Variants in ZNF280D observed in about 807,000 individuals in gnomAD.
ZNF280D encodes the protein zinc finger protein 280D.
In ZNF280D, 39 loss-of-function variants were observed where a neutral mutation model predicts 94.7. The observed-to-expected ratio is 0.41, with a 90% CI of 0.32 to 0.54. The LOEUF (loss-of-function observed/expected upper bound fraction) is 0.54, where lower values mean the gene tolerates loss of function less well. ZNF280D is among the 20% of genes least tolerant of loss of function. ZNF280D has a pLI of 0.22. For missense variants in ZNF280D, 1,090 were observed against 1,149.3 expected, an observed-to-expected ratio of 0.95 and a Z score of 0.75; for synonymous variants, 398 against 377.6, an observed-to-expected ratio of 1.05 and a Z score of -0.63.
At chr15:56,690,862 T>C (rs2056385061) in intron 7 of ZNF280D, among the ~76,000 whole-genome samples, 2 of 152,176 alleles carry the variant, frequency 1.3e-5, no homozygotes. Flanking sequence ...TAAGTTCAAA[T>C]CCACACCTTG....
chr15:56,731,230 C>T (rs1421587031), intron 1 of ZNF280D, among the ~76,000 whole-genome samples: 2 of 152,060 alleles, frequency 1.3e-5, no homozygotes, highest in African/African-American at 4.8e-5. Context: ...TCGCCCAGTG[C>T]TGTGGCTCAC....
intron 1 of ZNF280D, among the ~76,000 whole-genome samples, chr15:56,712,508 G>A (rs1266412772): frequency 1.4e-5 from 2 of 139,630 alleles, no homozygotes; most frequent in African/African-American, 5.4e-5. Flanking sequence ...CATGCCCCTG[G>A]TCCCAGCTAT....
rs748313812 is a variant in ZNF280D, at chr15:56,635,089, T to A, written c.2315+106A>T. 592 of 594,682 alleles carry A rather than the reference T, an allele frequency of 1.0e-3. 9 individuals are homozygous for A. Among genetic ancestry groups the A allele is most frequent in the Non-Finnish European group, 9.6e-5 (35 of 364,692 alleles). The allele number at this position is 594,682 out of a possible 1,614,324, so 36.8% of individuals were successfully genotyped here. The stretch of plus-strand genomic sequence containing the variant: ...AGCCATTACAGAAAATAGCACTATA[T>A]ACAAACATTTAAATAGTCCTTTGCC... On this transcript the variant is annotated intron_variant, in intron 21 of 21. Transcript: ENST00000267807.
chr15:56,659,482 T>C (rs754450529), intron 16 of ZNF280D, among the ~76,000 whole-genome samples: 10 of 152,136 alleles, frequency 6.6e-5, no homozygotes, highest in Non-Finnish European at 1.0e-4. Flanking sequence ...ATATAATTTT[T>C]ATTACAGTAT....
intron 7 of ZNF280D, among the ~76,000 whole-genome samples, chr15:56,690,318 C>T (rs1775997212): frequency 6.6e-6 from 1 of 151,990 alleles, no homozygotes; most frequent in Non-Finnish European, 1.5e-5. Flanking sequence ...GGAGGCGGTG[C>T]TTGCAGTGAG....
intron 1 of ZNF280D, among the ~76,000 whole-genome samples, chr15:56,717,271 T>A (rs1277314291): frequency 6.6e-6 from 1 of 152,074 alleles, no homozygotes; most frequent in East Asian, 1.9e-4. Flanking sequence ...ATAACAGATG[T>A]CCACTACAAG....
At chr15:56,680,538 A>G (rs1214991572) in intron 10 of ZNF280D, among the ~76,000 whole-genome samples, 1 of 152,088 alleles carries the variant, frequency 6.6e-6, no homozygotes, top group East Asian at 1.9e-4. Context: ...GTGCAGACGC[A>G]TGATTACAGC....
Position 56,666,384 on chromosome 15 carries a change from A to T in ZNF280D, c.1994+11T>A. On this transcript the variant is annotated intron_variant, in intron 16 of 21. Transcript: ENST00000267807. Reference sequence around the variant, plus strand: ...TTTTAATTGGCAATTTACACATTTAATTCATCTTACCTCATCATATGATTT... The same window carrying T: ...TTTTAATTGGCAATTTACACATTTATTTCATCTTACCTCATCATATGATTT... The T allele has an allele frequency of 1.2e-6, 2 of 1,601,124 alleles. No individual in the cohort carries two copies. Among genetic ancestry groups the T allele is most frequent in the Non-Finnish European group, 1.7e-6 (2 of 1,175,682 alleles).
At chr15:56,727,649 C>A (rs1477532811) in intron 1 of ZNF280D, among the ~76,000 whole-genome samples, 1 of 152,134 alleles carries the variant, frequency 6.6e-6, no homozygotes, top group East Asian at 1.9e-4. Flanking sequence ...CAATTAAGAA[C>A]TCAGACTTCA....
chr15:56,681,928 C>G (rs961155814), intron 10 of ZNF280D, among the ~76,000 whole-genome samples: 2 of 151,844 alleles, frequency 1.3e-5, no homozygotes, highest in Admixed American at 1.3e-4. Flanking sequence ...ATATAAAATT[C>G]AAAGGCAATT....
At chr15:56,648,433 C>A (rs1245224519) in intron 19 of ZNF280D, among the ~76,000 whole-genome samples, 1 of 151,870 alleles carries the variant, frequency 6.6e-6, no homozygotes, top group Non-Finnish European at 1.5e-5. Flanking sequence ...GGCCTTAACA[C>A]TGAAGCTTAG....
chr15:56,673,284 A>G (rs1429725152), intron 13 of ZNF280D, among the ~76,000 whole-genome samples: 1 of 152,004 alleles, frequency 6.6e-6, no homozygotes, highest in African/African-American at 2.4e-5. Context: ...CTACAAAAAA[A>G]AATCTGTTCC....
At chr15:56,695,181 T>C (rs1426022571) in intron 6 of ZNF280D, among the ~76,000 whole-genome samples, 3 of 152,056 alleles carry the variant, frequency 2.0e-5, no homozygotes, top group Non-Finnish European at 4.4e-5. Flanking sequence ...CAACTGACTC[T>C]CCTGTCTCAG....
intron 1 of ZNF280D, among the ~76,000 whole-genome samples, chr15:56,715,125 A>G (rs2057972107): frequency 1.3e-5 from 2 of 152,198 alleles, no homozygotes. Flanking sequence ...ACAGTGCATC[A>G]AATTCTCATA....
intron 1 of ZNF280D, 21 bp downstream of exon 1, chr15:56,733,437 C>CGGGGGCGG: frequency 9.5e-7 from 1 of 1,053,058 alleles, no homozygotes; most frequent in South Asian, 2.5e-5. Context: ...GCAGGGCGGG[C>CGGGGGCGG]GGGGGCGGGG....
At chr15:56,702,910 A>AACACACAC (rs59095987) in intron 4 of ZNF280D, among the ~76,000 whole-genome samples, 67 of 135,758 alleles carry the variant, frequency 4.9e-4, no homozygotes, top group African/African-American at 1.7e-3. Context: ...ATGGTAAGTA[A>AACACACAC]ACACACACAC....
At chr15:56,722,972 G>A (rs563878094) in intron 1 of ZNF280D, among the ~76,000 whole-genome samples, 132 of 151,226 alleles carry the variant, frequency 8.7e-4, no homozygotes, top group Non-Finnish European at 1.4e-3. Flanking sequence ...GTAAACTATC[G>A]CAAGAACAGA....
At chr15:56,705,365 T>C (rs1397165226) in intron 3 of ZNF280D, among the ~76,000 whole-genome samples, 1 of 152,216 alleles carries the variant, frequency 6.6e-6, no homozygotes, top group African/African-American at 2.4e-5. Context: ...CCACGTCTTC[T>C]ACCTAGAATA....
At chr15:56,653,469 G>C in intron 19 of ZNF280D, 2 of 1,501,604 alleles carry the variant, frequency 1.3e-6, no homozygotes, top group Non-Finnish European at 1.8e-6. Context: ...CACAACCTAA[G>C]AGCAGGTCCC....
Sources: allele counts gnomAD v4.1 joint callset (sites outside exome capture counted in the v4.1 genomes callset), GRCh38; gene constraint gnomAD v4.1.1; transcripts MANE v1.5; gene names NCBI Gene and HGNC (gene_info 2026-07-23, HGNC 2026-07-21).